DIP2C: variants seen among roughly 807,000 people sequenced by gnomAD.
DIP2C encodes the protein DIP2 acetate--CoA ligase C (putative).
A neutral mutation model predicts 192.4 loss-of-function variants in DIP2C; 33 were observed. The observed-to-expected ratio is 0.17, with a 90% confidence interval of 0.13 to 0.23. The LOEUF is 0.23. DIP2C is among the 10% of genes least tolerant of loss of function. The probability of loss-of-function intolerance (pLI) is 1.00; values close to 1 mark genes in which losing one functional copy is unlikely to be tolerated. For missense variants in DIP2C, 1,537 were observed against 2,110.1 expected (o/e 0.73, Z 5.32); for synonymous variants, 979 against 864.1 (o/e 1.13, Z -2.33).
intron 1 of DIP2C, among the ~76,000 whole-genome samples, chr10:532,760 A>AGAGAGAGTATGGGTGTGT (rs1564825023): frequency 6.6e-5 from 6 of 91,246 alleles, no homozygotes; most frequent in Admixed American, 1.3e-4. Flanking sequence ...TGGGTGTGTG[A>AGAGAGAGTATGGGTGTGT]GAGAGTATGG....
At chr10:330,956 T>C (rs1159406228) in intron 29 of DIP2C, among the ~76,000 whole-genome samples, 1 of 149,918 alleles carries the variant, frequency 6.7e-6, no homozygotes, top group Admixed American at 6.7e-5. Context: ...GGACTACAGA[T>C]GCACAACACT....
chr10:423,499 C>T (rs566772092), intron 4 of DIP2C, among the ~76,000 whole-genome samples: 4 of 152,158 alleles, frequency 2.6e-5, no homozygotes, highest in South Asian at 4.1e-4. Flanking sequence ...GTGTTAGATA[C>T]CCATGCAGCT....
At chr10:663,043 C>A (rs1037587463) in intron 1 of DIP2C, 20 of 649,322 alleles carry the variant, frequency 3.1e-5, no homozygotes, top group Non-Finnish European at 5.7e-5. Flanking sequence ...ACTCTGGACC[C>A]TGCTGGGGCA....
In DIP2C at chr10:286,312, T is replaced by A. The variant is rs201950293; in HGVS notation, c.4080A>T (p.Pro1360=). 7.4e-6 allele frequency: 12 copies of A among 1,614,164 alleles called. No individual in the cohort carries two copies. The highest frequency in any genetic ancestry group is 8.5e-6 in the Non-Finnish European group (10 of 1,180,020). ...LPGVRIIIAN[P]ETKGPLGDSH... Reference sequence around the variant, plus strand: ...AGTCCCCCAGCGGTCCTTTTGTTTCTGGGTTGGCAATTATAATCCGAACCC... The same window carrying A: ...AGTCCCCCAGCGGTCCTTTTGTTTCAGGGTTGGCAATTATAATCCGAACCC... Residue 1360 remains proline, a synonymous_variant, in exon 34 of 37, where the codon CCA becomes CCT. Coordinates refer to ENST00000280886, the MANE Select transcript of DIP2C (RefSeq NM_014974.3).
intron 4 of DIP2C, among the ~76,000 whole-genome samples, chr10:427,322 C>T (rs1966657471): frequency 6.6e-6 from 1 of 152,196 alleles, no homozygotes; most frequent in African/African-American, 2.4e-5. Flanking sequence ...GTGGGTCCAC[C>T]TGCTTAAACC....
chr10:414,942 A>T lies in DIP2C; in HGVS notation c.859+827T>A, dbSNP rs192907587. Among the ~76,000 whole-genome samples the T allele has an allele frequency of 3.4e-3, 463 of 135,850 alleles. 6 individuals carry two copies. Among genetic ancestry groups the T allele is most frequent in the Non-Finnish European group, 4.1e-3 (269 of 64,936 alleles). 89.1% of individuals were successfully genotyped at this position (135,850 alleles called of 152,430 possible). On this transcript the variant is annotated intron_variant, in intron 7 of 36. Coordinates refer to ENST00000280886, the MANE Select transcript of DIP2C (RefSeq NM_014974.3). Reference sequence around the variant, plus strand: ...TTTTTGGTAGAGACAGGGTTTTGCCATATTGCCCAGGCTGGTCTCGAACTC... The same window carrying T: ...TTTTTGGTAGAGACAGGGTTTTGCCTTATTGCCCAGGCTGGTCTCGAACTC...
chr10:516,971 C>T (rs923457578), intron 1 of DIP2C, among the ~76,000 whole-genome samples: 2 of 151,500 alleles, frequency 1.3e-5, no homozygotes, highest in Non-Finnish European at 2.9e-5. Flanking sequence ...CGCGGCACTT[C>T]CCAGCAATGG....
intron 7 of DIP2C, among the ~76,000 whole-genome samples, chr10:414,892 A>ATG (rs1564680501): frequency 6.1e-5 from 2 of 32,538 alleles, no homozygotes; most frequent in African/African-American, 1.1e-4. Flanking sequence ...GTGTGTGTGT[A>ATG]TATATATATA....
chr10:391,905 T>G (rs1321483605), intron 10 of DIP2C, among the ~76,000 whole-genome samples: 2 of 152,190 alleles, frequency 1.3e-5, no homozygotes, highest in African/African-American at 4.8e-5. Context: ...ATTTCAAAGC[T>G]GTAGTCTCTT....
At chr10:608,216 C>A (rs1401384895) in intron 1 of DIP2C, among the ~76,000 whole-genome samples, 1 of 35,480 alleles carries the variant, frequency 2.8e-5, no homozygotes, top group Non-Finnish European at 4.3e-5. Context: ...ACACAGCCCC[C>A]CCACACACAC....
chr10:612,950 C>G (rs1038048361), intron 1 of DIP2C, among the ~76,000 whole-genome samples: 1 of 152,164 alleles, frequency 6.6e-6, no homozygotes, highest in Non-Finnish European at 1.5e-5. Context: ...TCCGGCCCCC[C>G]TCCCAGTGGG....
intron 4 of DIP2C, among the ~76,000 whole-genome samples, chr10:429,221 G>A (rs1480811117): frequency 2.2e-5 from 2 of 91,436 alleles, no homozygotes; most frequent in African/African-American, 5.8e-5. Flanking sequence ...CCGGACCCTG[G>A]CTGCCTCCCC....
In DIP2C at chr10:413,941, G is replaced by T; in HGVS notation, c.1029C>A (p.Asn343Lys). The change falls in exon 8 of 37, where the codon AAC becomes AAA. Residue 343 changes from asparagine to lysine, a missense_variant. By Grantham distance (94) the Asn-to-Lys change is moderately conservative (BLOSUM62 0). Around this residue, in one of 4 missense-constraint regions of DIP2C, gnomAD observed 473 missense variants for 539.6 expected, o/e 0.88. Transcript: ENST00000280886. ...KAPCLTTMDT[N>K]GKPLYILTYG... ...AAGTGAGGATGTAGAGGGGCTTCCC[G>T]TTGGTGTCCATGGTGGTCAGGCAGG... 6.2e-7 allele frequency: 1 copy of T among 1,614,150 alleles called. No individual in the cohort carries two copies. Among genetic ancestry groups the T allele is most frequent in the African/African-American group, 1.3e-5 (1 of 75,068 alleles).
chr10:309,963 C>T, intron 32 of DIP2C, 68 bp downstream of exon 32: 17 of 1,457,086 alleles, frequency 1.2e-5, no homozygotes, highest in Non-Finnish European at 1.6e-5. Flanking sequence ...TAGATGGAGA[C>T]CTGCATGCAA....
chr10:579,872 A>G (rs541719256), intron 1 of DIP2C, among the ~76,000 whole-genome samples: 25 of 151,552 alleles, frequency 1.6e-4, no homozygotes, highest in South Asian at 1.2e-3. Context: ...TATGTACACT[A>G]TAACACATGT....
At chr10:366,555 C>G in intron 18 of DIP2C, 144 bp from the exon 19 acceptor site, 1 of 1,132,092 alleles carries the variant, frequency 8.8e-7, no homozygotes, top group Non-Finnish European at 1.2e-6. Flanking sequence ...GTCAGCCAGG[C>G]ACTCATTTTC....
Position 472,494 on chromosome 10 carries a change from G to C in DIP2C, c.213C>G (p.Ala71=). 6.2e-7 allele frequency: 1 copy of C among 1,614,210 alleles called. No individual in the cohort carries two copies. Among genetic ancestry groups the C allele is most frequent in the Non-Finnish European group, 8.5e-7 (1 of 1,180,044 alleles). ...AAGACCGTCGGCGGTGGTAGCGAGA[G>C]GCGGAGGAAGGAGTGACAGGAGCCC... ...ERRAPVTPSS[A]SRYHRRRSSG... is the part of the protein sequence containing the mutation. Residue 71 remains alanine (A), a synonymous_variant, in exon 3 of 37, where the codon GCC becomes GCG. Transcript: ENST00000280886.
chr10:664,027 G>C (rs1253960007), intron 1 of DIP2C: 1 of 137,446 alleles, frequency 7.3e-6, no homozygotes, highest in African/African-American at 3.3e-5. Context: ...AAAAAACAAA[G>C]GCTCCCCACA....
chr10:293,209 G>T (rs2132216058), intron 32 of DIP2C, among the ~76,000 whole-genome samples: 1 of 152,296 alleles, frequency 6.6e-6, no homozygotes, highest in South Asian at 2.1e-4. Context: ...TGACCTGAAG[G>T]GTCCAGCATC....
Sources: allele counts gnomAD v4.1 joint callset (sites outside exome capture counted in the v4.1 genomes callset), GRCh38; gene constraint gnomAD v4.1.1; regional missense constraint gnomAD v4.1.1; transcripts MANE v1.5; gene names NCBI Gene and HGNC (gene_info 2026-07-23, HGNC 2026-07-21).